Variants in FAR1 observed in about 807,000 individuals in gnomAD.
FAR1 encodes the protein male sterility domain-containing protein 2.
FAR1 carries 22 observed loss-of-function variants against 61.1 expected under a neutral mutation model. That is an observed-to-expected ratio of 0.36 (90% CI 0.26 to 0.51). The LOEUF (loss-of-function observed/expected upper bound fraction) is 0.51, where lower values mean the gene tolerates loss of function less well. FAR1 is among the 20% of genes least tolerant of loss of function. The pLI, the probability that FAR1 is intolerant of heterozygous loss-of-function variation, is 0.95. For missense variants in FAR1, 359 were observed against 626.9 expected (o/e 0.57, Z 4.56); for synonymous variants, 206 against 209.7 (o/e 0.98, Z 0.15).
At chr11:13,690,065 G>A (rs1322254633) in intron 1 of FAR1, among the ~76,000 whole-genome samples, 1 of 151,696 alleles carries the variant, frequency 6.6e-6, no homozygotes, top group Non-Finnish European at 1.5e-5. Context: ...TAGTAGAGAC[G>A]GGGTTTCACC....
chr11:13,723,362 CAAA>C (rs71313446), intron 10 of FAR1: 1,051 of 258,130 alleles, frequency 4.1e-3, no homozygotes, highest in Middle Eastern at 8.0e-3. Context: ...GAGAGTCTCT[CAAA>C]AAAAAAAAAA....
At chr11:13,705,407 C>G (rs1382206940) in intron 3 of FAR1, among the ~76,000 whole-genome samples, 1 of 151,830 alleles carries the variant, frequency 6.6e-6, no homozygotes, top group East Asian at 1.9e-4. Flanking sequence ...GGTACAGATG[C>G]AAAGGGAAAA....
intron 1 of FAR1, among the ~76,000 whole-genome samples, chr11:13,672,429 A>G (rs1323779424): frequency 1.3e-5 from 2 of 151,510 alleles, no homozygotes; most frequent in Non-Finnish European, 2.9e-5. Flanking sequence ...TGGTGTGCAC[A>G]CCTGTAATCC....
In FAR1 at chr11:13,708,443, G is replaced by GCACACA. The variant is rs770468143; in HGVS notation, c.545+365_545+366insACACAC. 3.4e-3 allele frequency among the ~76,000 whole-genome samples: 290 copies of GCACACA among 84,404 alleles called. 2 individuals are homozygous for GCACACA. Among genetic ancestry groups the GCACACA allele is most frequent in the Non-Finnish European group, 5.6e-3 (217 of 38,896 alleles). The allele number at this position is 84,404 out of a possible 152,430, so 55.4% of individuals were successfully genotyped here. ...CCACCCCATATACATGTGCGCGCGCGCGCGCACACACACACACACACACAC... is the reference window on the plus strand; with the variant it reads ...CCACCCCATATACATGTGCGCGCGCGCACACACGCGCACACACACACACACACACAC... On this transcript the variant is annotated intron_variant, in intron 4 of 11. Transcript: ENST00000354817.
chr11:13,721,073 G>A lies in FAR1; in HGVS notation c.1128-657G>A, dbSNP rs1848605713. 1 of 152,102 alleles carries A rather than the reference G, an allele frequency of 6.6e-6. No individual in the cohort carries two copies. Among genetic ancestry groups the A allele is most frequent in the Non-Finnish European group, 1.5e-5 (1 of 67,968 alleles). 9.4% of individuals were successfully genotyped at this position (152,102 alleles called of 1,614,324 possible). On this transcript the variant is annotated intron_variant, in intron 9 of 11. Transcript: ENST00000354817. The surrounding 1 kb of genome is among the most constrained non-coding windows in gnomAD (Gnocchi z 4.2). Reference sequence around the variant, plus strand: ...TGTCACACTCCTTTATTTCTGTAAGGATGAGTATTGGTGGGGTATGGAGAG... The same window carrying A: ...TGTCACACTCCTTTATTTCTGTAAGAATGAGTATTGGTGGGGTATGGAGAG...
chr11:13,724,147 C>T (rs748792056), intron 10 of FAR1, among the ~76,000 whole-genome samples: 1 of 152,134 alleles, frequency 6.6e-6, no homozygotes, highest in Non-Finnish European at 1.5e-5. Context: ...TTTGCCTTTG[C>T]TTCTACCAGT....
intron 2 of FAR1, 50 bp downstream of exon 2, chr11:13,695,004 T>G: frequency 6.9e-7 from 1 of 1,453,028 alleles, no homozygotes; most frequent in Non-Finnish European, 9.3e-7. Context: ...CGTGTGCTTG[T>G]GTATATAATT....
At chr11:13,694,731 T>C (rs1848289753) in intron 1 of FAR1, 28 bp from the exon 2 acceptor site, 1 of 1,561,858 alleles carries the variant, frequency 6.4e-7, no homozygotes. Context: ...ATCCTTAAAC[T>C]AATGCTTATT....
chr11:13,723,167 C>G (rs1229733257), intron 10 of FAR1, among the ~76,000 whole-genome samples: 1 of 151,636 alleles, frequency 6.6e-6, no homozygotes, highest in Admixed American at 6.6e-5. Flanking sequence ...GAGTTCAAGA[C>G]CAGCCTGGGC....
At chr11:13,675,053 C>CT (rs10649288) in intron 1 of FAR1, among the ~76,000 whole-genome samples, 110,532 of 144,134 alleles carry the variant, frequency 0.77, 42,459 homozygotes, top group East Asian at 0.95. Flanking sequence ...AATCCCTAGA[C>CT]TTTTTTTTTT....
At position 13,729,731 on chromosome 11, in the gene FAR1, T is replaced by G. The variant is rs1156425486; in HGVS notation, c.*957T>G. The G allele has an allele frequency of 6.6e-6, 1 of 152,032 alleles. No homozygotes were observed. The highest frequency in any genetic ancestry group is 1.5e-5 in the Non-Finnish European group (1 of 67,896). The allele number at this position is 152,032 out of a possible 1,614,324, so 9.4% of individuals were successfully genotyped here. ...CTATCTTTCCAGTGAAAACTGAAAG[T>G]GCATTATTATGGAAGAATGTATTTG... On this transcript the variant is annotated 3_prime_UTR_variant, in exon 12 of 12. Coordinates refer to ENST00000354817, the MANE Select transcript of FAR1 (RefSeq NM_032228.6).
intron 1 of FAR1, among the ~76,000 whole-genome samples, chr11:13,684,210 T>C (rs536158777): frequency 1.3e-4 from 20 of 152,354 alleles, no homozygotes; most frequent in Non-Finnish European, 2.6e-4. Flanking sequence ...ATTATTTGTT[T>C]CATACATAAG....
intron 10 of FAR1, among the ~76,000 whole-genome samples, chr11:13,726,185 A>G (rs1323802728): frequency 1.3e-5 from 2 of 152,010 alleles, no homozygotes; most frequent in Non-Finnish European, 2.9e-5. Flanking sequence ...TTAATTCTAT[A>G]TATATATTAA....
intron 1 of FAR1, among the ~76,000 whole-genome samples, chr11:13,673,812 A>T (rs1446420991): frequency 1.3e-5 from 2 of 152,260 alleles, no homozygotes; most frequent in Non-Finnish European, 2.9e-5. Context: ...CTCAAAATTG[A>T]TGAAGCATGG....
At chr11:13,718,840 A>G (rs1412910425) in intron 9 of FAR1, among the ~76,000 whole-genome samples, 1 of 152,100 alleles carries the variant, frequency 6.6e-6, no homozygotes, top group Non-Finnish European at 1.5e-5. Flanking sequence ...GGAAGGGGAC[A>G]GAGTAGCTGG....
intron 9 of FAR1, among the ~76,000 whole-genome samples, chr11:13,718,057 A>G (rs1848573733): frequency 6.6e-6 from 1 of 152,162 alleles, no homozygotes; most frequent in African/African-American, 2.4e-5. Flanking sequence ...TGAGGTTCCT[A>G]TGGGACAGCA....
chr11:13,717,885 A>T (rs1163788792), intron 9 of FAR1, among the ~76,000 whole-genome samples: 2 of 149,100 alleles, frequency 1.3e-5, no homozygotes, highest in Non-Finnish European at 3.0e-5. Context: ...CAGTCTCTTC[A>T]TTTTTTTTTT....
intron 9 of FAR1, chr11:13,720,877 T>G (rs1342054950): frequency 6.6e-6 from 1 of 152,162 alleles, no homozygotes; most frequent in Non-Finnish European, 1.5e-5. Context: ...TCCCTTTCCC[T>G]ACTTATAATA....
chr11:13,712,639 C>T (rs1848512755), intron 7 of FAR1, among the ~76,000 whole-genome samples: 1 of 151,472 alleles, frequency 6.6e-6, no homozygotes, highest in Non-Finnish European at 1.5e-5. Flanking sequence ...TCAGCTAGAT[C>T]CTCTGAAAAT....
Sources: allele counts gnomAD v4.1 joint callset (sites outside exome capture counted in the v4.1 genomes callset), GRCh38; gene constraint gnomAD v4.1.1; non-coding constraint Gnocchi (gnomAD v3.1); transcripts MANE v1.5; gene names NCBI Gene and HGNC (gene_info 2026-07-23, HGNC 2026-07-21).